SLC41A2: variants seen among roughly 807,000 people sequenced by gnomAD.
SLC41A2 encodes the protein SLC41A1-like 1.
Under a neutral mutation model 58.3 loss-of-function variants are expected in SLC41A2, and 32 were observed. The observed-to-expected ratio is 0.55, with a 90% CI of 0.41 to 0.74. SLC41A2 has a LOEUF of 0.74. Ranked by LOEUF, SLC41A2 falls within the 30% of genes least tolerant of loss-of-function variation. The pLI is 0.00. For synonymous variants in SLC41A2, 190 were observed against 235.0 expected, an observed-to-expected ratio of 0.81 and a Z score of 1.75; for missense variants, 514 against 680.6, an observed-to-expected ratio of 0.76 and a Z score of 2.72.
Position 104,805,101 on chromosome 12 carries a change from G to A in SLC41A2, c.*51C>T. The A allele has an allele frequency of 6.8e-7, 1 of 1,461,112 alleles. No individual in the cohort carries two copies. Among genetic ancestry groups the A allele is most frequent in the Non-Finnish European group, 9.2e-7 (1 of 1,081,098 alleles). The allele number at this position is 1,461,112 out of a possible 1,614,324, so 90.5% of individuals were successfully genotyped here. Reference sequence around the variant, plus strand: ...GAGTTTTGAAAAAGAGCCATAAGTGGTTGTCGTGTATTTTCTTCCTTGGTA... The same window carrying A: ...GAGTTTTGAAAAAGAGCCATAAGTGATTGTCGTGTATTTTCTTCCTTGGTA... On this transcript the variant is annotated 3_prime_UTR_variant, in exon 11 of 11. Coordinates refer to ENST00000258538, the MANE Select transcript of SLC41A2 (RefSeq NM_001352171.3).
chr12:104,814,531 T>C (rs2041310619), intron 10 of SLC41A2, among the ~76,000 whole-genome samples: 1 of 152,096 alleles, frequency 6.6e-6, no homozygotes, highest in African/African-American at 2.4e-5. Context: ...AAAATACTTA[T>C]ACATGACAAA....
At chr12:104,833,271 C>A (rs2136287328) in intron 10 of SLC41A2, among the ~76,000 whole-genome samples, 1 of 152,310 alleles carries the variant, frequency 6.6e-6, no homozygotes, top group South Asian at 2.1e-4. Context: ...CAATGATAGT[C>A]CTTGTTCCTG....
In SLC41A2 at chr12:104,804,325, T is replaced by TTCA. The variant is rs1286258029; in HGVS notation, c.*824_*826dup. 1.5e-5 allele frequency: 2 copies of TTCA among 132,074 alleles called. No individual in the cohort carries two copies. The highest frequency in any genetic ancestry group is 1.6e-4 in the Admixed American group (2 of 12,342). The allele number at this position is 132,074 out of a possible 1,614,324, so 8.2% of individuals were successfully genotyped here. On this transcript the variant is annotated 3_prime_UTR_variant, in exon 11 of 11. Coordinates refer to ENST00000258538, the MANE Select transcript of SLC41A2 (RefSeq NM_001352171.3). ...CTATCAGCAATCCAAGATTTAGTTC[T>TTCA]TCATCAAAAGTCTCTCTCTCTCACA...
chr12:104,852,432 C>T (rs2042836208), intron 8 of SLC41A2, among the ~76,000 whole-genome samples: 1 of 152,156 alleles, frequency 6.6e-6, no homozygotes, highest in South Asian at 2.1e-4. Context: ...GAGTTTGAAA[C>T]AAAAAGCTAC....
At chr12:104,913,228 AAC>A (rs551983529) in intron 2 of SLC41A2, among the ~76,000 whole-genome samples, 173 of 152,312 alleles carry the variant, frequency 1.1e-3, no homozygotes, top group African/African-American at 3.8e-3. Flanking sequence ...CAACTGAAAG[AAC>A]ACTCTTACGG....
chr12:104,806,334 G>A lies in SLC41A2; in HGVS notation c.1537-997C>T, dbSNP rs1385688640. ...GCAGCGTTTGGTTTTTTGTCCTTGC[G>A]ATAGTTTGCTGAGAATGATGGTTTC... On this transcript the variant is annotated intron_variant, in intron 10 of 10. Coordinates refer to ENST00000258538, the MANE Select transcript of SLC41A2 (RefSeq NM_001352171.3). Among the ~76,000 whole-genome samples, 6 of 151,718 alleles carry A rather than the reference G, an allele frequency of 4.0e-5. No homozygotes were observed. In the East Asian group the frequency reaches 1.2e-3, roughly 29 times the overall value.
At chr12:104,815,131 G>A (rs114183984) in intron 10 of SLC41A2, among the ~76,000 whole-genome samples, 2,828 of 152,214 alleles carry the variant, frequency 0.019, 31 homozygotes, top group African/African-American at 0.034. Context: ...AAATTTATTC[G>A]TTTTTTGCAA....
intron 2 of SLC41A2, among the ~76,000 whole-genome samples, chr12:104,917,972 TAATAA>T (rs1377376923): frequency 3.4e-5 from 5 of 147,062 alleles, no homozygotes; most frequent in African/African-American, 9.9e-5. Context: ...TAAAGTATAA[TAATAA>T]AATAAAATAA....
intron 1 of SLC41A2, among the ~76,000 whole-genome samples, chr12:104,946,529 C>A (rs1324949355): frequency 6.6e-6 from 1 of 152,216 alleles, no homozygotes; most frequent in Non-Finnish European, 1.5e-5. Flanking sequence ...CCACCTTGGG[C>A]TCCCAAAGTG....
chr12:104,919,220 T>C (rs1466373195), intron 2 of SLC41A2, among the ~76,000 whole-genome samples: 1 of 152,210 alleles, frequency 6.6e-6, no homozygotes, highest in Non-Finnish European at 1.5e-5. Flanking sequence ...TTCCATCATA[T>C]GAATTTACCA....
At chr12:104,857,500 T>A (rs1206526890) in intron 8 of SLC41A2, among the ~76,000 whole-genome samples, 1 of 152,202 alleles carries the variant, frequency 6.6e-6, no homozygotes, top group Admixed American at 6.5e-5. Flanking sequence ...ATCCCATTAC[T>A]GGGTATACAC....
chr12:104,845,118 T>C (rs2042556272), intron 9 of SLC41A2, among the ~76,000 whole-genome samples: 1 of 151,730 alleles, frequency 6.6e-6, no homozygotes, highest in Admixed American at 6.6e-5. Flanking sequence ...ACCTCATCTC[T>C]ACAAAAAATA....
intron 10 of SLC41A2, among the ~76,000 whole-genome samples, chr12:104,813,671 T>C (rs1412061404): frequency 6.6e-6 from 1 of 152,248 alleles, no homozygotes; most frequent in East Asian, 1.9e-4. Context: ...AGTCTCGTTC[T>C]GTTGTCCAGG....
At chr12:104,899,595 C>T (rs1270536253) in intron 3 of SLC41A2, among the ~76,000 whole-genome samples, 2 of 152,158 alleles carry the variant, frequency 1.3e-5, no homozygotes, top group Non-Finnish European at 1.5e-5. Context: ...TGTACCTGTG[C>T]AGTTTAAACA....
chr12:104,853,438 G>T (rs372804650), intron 8 of SLC41A2, among the ~76,000 whole-genome samples: 1 of 152,066 alleles, frequency 6.6e-6, no homozygotes, highest in South Asian at 2.1e-4. Flanking sequence ...GAACTCACAT[G>T]CAGAAATTAC....
intron 1 of SLC41A2, among the ~76,000 whole-genome samples, chr12:104,953,291 A>G (rs909799979): frequency 9.9e-5 from 15 of 152,264 alleles, no homozygotes; most frequent in African/African-American, 2.2e-4. Flanking sequence ...AGGCTAGCCT[A>G]CAAAACACTA....
intron 8 of SLC41A2, among the ~76,000 whole-genome samples, chr12:104,848,171 A>G (rs1016626184): frequency 6.6e-6 from 1 of 152,232 alleles, no homozygotes; most frequent in Admixed American, 6.5e-5. Flanking sequence ...AAAGTAAGAT[A>G]TCTGAGGATT....
At chr12:104,838,346 T>C (rs879283546) in intron 10 of SLC41A2, among the ~76,000 whole-genome samples, 32 of 152,228 alleles carry the variant, frequency 2.1e-4, no homozygotes, top group African/African-American at 7.5e-4. Flanking sequence ...AGTTTATTAG[T>C]TAATATACTG....
At chr12:104,830,434 G>A (rs1402476673) in intron 10 of SLC41A2, among the ~76,000 whole-genome samples, 2 of 152,114 alleles carry the variant, frequency 1.3e-5, no homozygotes, top group African/African-American at 2.4e-5. Context: ...TCAATGTAGT[G>A]TGAAGCAAAT....
Sources: allele counts gnomAD v4.1 joint callset (sites outside exome capture counted in the v4.1 genomes callset), GRCh38; gene constraint gnomAD v4.1.1; transcripts MANE v1.5; gene names NCBI Gene and HGNC (gene_info 2026-07-23, HGNC 2026-07-21).